SCN11A: variants seen among roughly 807,000 people sequenced by gnomAD.
SCN11A encodes sodium channel protein type 11 subunit alpha.
A neutral mutation model predicts 162.2 loss-of-function variants in SCN11A; 122 were observed. That is an observed-to-expected ratio of 0.75 (90% CI 0.65 to 0.87). The LOEUF is 0.87. Ranked by LOEUF, SCN11A falls within the 40% of genes least tolerant of loss-of-function variation. The pLI, the probability that SCN11A is intolerant of heterozygous loss-of-function variation, is 0.00. For missense variants in SCN11A, 2,015 were observed against 2,181.6 expected, an observed-to-expected ratio of 0.92 and a Z score of 1.52; for synonymous variants, 758 against 751.5, an observed-to-expected ratio of 1.01 and a Z score of -0.14.
chr3:38,921,082 C>T lies in SCN11A; in HGVS notation c.886G>A (p.Ala296Thr), dbSNP rs776703282. The change falls in exon 10 of 30, where the codon GCT becomes ACT. Residue 296 changes from alanine (A) to threonine (T), a missense_variant. Physicochemically the swap from Ala to Thr is moderately conservative, Grantham distance 58. Transcript: ENST00000302328. ...RDCKNISNPEAYDHCFEKKEN... is the reference protein window; with the variant it reads ...RDCKNISNPETYDHCFEKKEN... ...AGAAAGGTTGGGTATTTACCATAAG[C>T]TTCCGGGTTACTGATATTTTTACAG... 2 of 1,613,952 alleles carry T rather than the reference C, an allele frequency of 1.2e-6. No homozygotes were observed. Among genetic ancestry groups the T allele is most frequent in the African/African-American group, 1.3e-5 (1 of 75,036 alleles).
chr3:38,974,764 T>C (rs1481147298), intron 2 of SCN11A, among the ~76,000 whole-genome samples: 1 of 148,322 alleles, frequency 6.7e-6, no homozygotes, highest in Admixed American at 6.7e-5. Flanking sequence ...ATTGAATTTC[T>C]AAAAGGAAAC....
At chr3:38,855,293 G>A (rs1469546445) in intron 28 of SCN11A, among the ~76,000 whole-genome samples, 1 of 152,138 alleles carries the variant, frequency 6.6e-6, no homozygotes, top group East Asian at 1.9e-4. Context: ...AGCAGAGGTA[G>A]CCATAATCCC....
chr3:38,846,024 T>A lies in SCN11A; in HGVS notation c.*670A>T, dbSNP rs2064654595. 2.0e-5 allele frequency: 3 copies of A among 152,228 alleles called. No homozygotes were observed. The highest frequency in any genetic ancestry group is 6.5e-5 in the Admixed American group (1 of 15,282). The allele number at this position is 152,228 out of a possible 1,614,324, so 9.4% of individuals were successfully genotyped here. A position where few individuals can be genotyped will look rare whatever the true frequency, so the allele number is the denominator to read the frequency against. ...TCAGGAAAATATCAAACAAAAATGA[T>A]GTATCTAGAAACATAGAAAATACAA... On this transcript the variant is annotated 3_prime_UTR_variant, in exon 30 of 30. Transcript: ENST00000302328.
intron 5 of SCN11A, among the ~76,000 whole-genome samples, chr3:38,947,533 G>T (rs544822294): frequency 6.6e-6 from 1 of 152,234 alleles, no homozygotes; most frequent in Non-Finnish European, 1.5e-5. Context: ...GTTGTCTGCT[G>T]TAATGACTAT....
chr3:39,025,340 T>C (rs181670368), intron 2 of SCN11A, among the ~76,000 whole-genome samples: 6 of 152,080 alleles, frequency 3.9e-5, no homozygotes, highest in Non-Finnish European at 7.4e-5. Flanking sequence ...AGCAAGCCCA[T>C]AGAGGGAAGT....
chr3:38,972,541 C>T (rs976476653), intron 2 of SCN11A, among the ~76,000 whole-genome samples: 1 of 152,104 alleles, frequency 6.6e-6, no homozygotes. Context: ...AGTTCAAAAA[C>T]TTGGATTGTG....
chr3:38,911,426 C>A (rs946462784), intron 11 of SCN11A, among the ~76,000 whole-genome samples: 10 of 152,098 alleles, frequency 6.6e-5, no homozygotes, highest in African/African-American at 9.7e-5. Flanking sequence ...CCTTCTTTTG[C>A]CCATTAGTTT....
At chr3:38,912,804 T>C (rs2065903799) in intron 11 of SCN11A, among the ~76,000 whole-genome samples, 1 of 152,180 alleles carries the variant, frequency 6.6e-6, no homozygotes, top group Non-Finnish European at 1.5e-5. Context: ...GCAAAAGACA[T>C]AATCTCTTGC....
intron 28 of SCN11A, among the ~76,000 whole-genome samples, chr3:38,855,811 C>T (rs1396469254): frequency 2.0e-5 from 3 of 152,200 alleles, no homozygotes; most frequent in African/African-American, 7.2e-5. Context: ...ACAGAGTCTA[C>T]TTCACTCTCC....
chr3:38,939,752 A>G (rs936141015), intron 7 of SCN11A, among the ~76,000 whole-genome samples: 1 of 151,898 alleles, frequency 6.6e-6, no homozygotes, highest in Non-Finnish European at 1.5e-5. Flanking sequence ...AAAAATACAA[A>G]ATTAGCCAGG....
At chr3:38,881,918 T>C (rs970446607) in intron 22 of SCN11A, among the ~76,000 whole-genome samples, 2 of 152,182 alleles carry the variant, frequency 1.3e-5, no homozygotes, top group Non-Finnish European at 2.9e-5. Flanking sequence ...TATGGCACCA[T>C]GGGGCATTTT....
intron 9 of SCN11A, 105 bp from the exon 10 acceptor site, chr3:38,921,360 G>T: frequency 1.9e-6 from 2 of 1,036,174 alleles, no homozygotes; most frequent in Non-Finnish European, 2.9e-6. Context: ...CAAATTGCAG[G>T]CTGGAACTGG....
chr3:38,947,146 T>C (rs1047801701), intron 5 of SCN11A, among the ~76,000 whole-genome samples: 1 of 152,186 alleles, frequency 6.6e-6, no homozygotes, highest in Non-Finnish European at 1.5e-5. Context: ...ACCCTTAATA[T>C]TGTACTCCAT....
chr3:39,042,723 C>T (rs994234564), intron 1 of SCN11A, among the ~76,000 whole-genome samples: 12 of 151,706 alleles, frequency 7.9e-5, no homozygotes, highest in Admixed American at 1.3e-4. Context: ...TTTGGGAGGC[C>T]GAGACAGGAG....
intron 22 of SCN11A, among the ~76,000 whole-genome samples, chr3:38,881,123 C>T (rs1419230252): frequency 1.3e-5 from 2 of 152,216 alleles, no homozygotes; most frequent in Non-Finnish European, 2.9e-5. Flanking sequence ...ATCTCATCCT[C>T]TGCTCTTTCA....
chr3:38,932,056 A>G (rs2066249683), intron 7 of SCN11A, among the ~76,000 whole-genome samples: 1 of 152,238 alleles, frequency 6.6e-6, no homozygotes, highest in Non-Finnish European at 1.5e-5. Flanking sequence ...TTAAAGAAGA[A>G]TCTGCAAGAA....
rs139057163 is a variant in SCN11A at position 38,904,029 on chromosome 3, A to T, written c.1678T>A (p.Cys560Ser). The T allele has an allele frequency of 2.3e-5, 37 of 1,611,092 alleles. No homozygotes were observed. In the African/African-American group the frequency reaches 4.3e-4, roughly 19 times the overall value. ...LASKYLVWNC[C>S]PQWLCVKKVL... is the part of the protein sequence containing the mutation. ...TTCTTAACGCACAGCCACTGGGGGC[A>T]ACAGTTCCACACGAGGTACTTGGAT... Residue 560 changes from cysteine (C) to serine (S), a missense_variant, in exon 16 of 30, where the codon TGC becomes AGC. Physicochemically the swap from Cys to Ser is moderately radical, Grantham distance 112 (BLOSUM62 -1). Transcript: ENST00000302328.
intron 4 of SCN11A, 169 bp from the exon 5 acceptor site, chr3:38,950,538 A>G (rs1420897597): frequency 9.2e-6 from 6 of 650,062 alleles, no homozygotes; most frequent in African/African-American, 1.8e-5. Flanking sequence ...AGAAGAGATG[A>G]CCACCACTGT....
chr3:38,896,823 G>GA (rs763798290), intron 18 of SCN11A, 22 bp downstream of exon 18: 4 of 933,048 alleles, frequency 4.3e-6, no homozygotes, highest in Admixed American at 5.3e-5. Flanking sequence ...TTTTTTTTTT[G>GA]AAAAAAATCT....
Sources: gnomAD v4.1 joint callset for allele counts (sites outside exome capture counted in the v4.1 genomes callset) on GRCh38, gnomAD v4.1.1 for gene constraint, MANE v1.5 for transcripts, NCBI Gene and HGNC (gene_info 2026-07-23, HGNC 2026-07-21) for gene names.